The following TXNDC8 variants were observed in gnomAD, a reference collection of about 807,000 sequenced individuals.
TXNDC8 encodes the protein thioredoxin domain-containing protein 8.
Under a neutral mutation model 12.9 loss-of-function variants are expected in TXNDC8, and 15 were observed. The observed-to-expected ratio is 1.16, with a 90% confidence interval of 0.78 to 1.79. The LOEUF is 1.79. TXNDC8 is among the 40% of genes most tolerant of loss of function. The probability of loss-of-function intolerance (pLI) is 0.00; values close to 1 mark genes in which losing one functional copy is unlikely to be tolerated. For missense variants in TXNDC8, 128 were observed against 113.2 expected, an observed-to-expected ratio of 1.13 and a Z score of -0.59; for synonymous variants, 40 against 35.4, an observed-to-expected ratio of 1.13 and a Z score of -0.46.
intron 3 of TXNDC8, among the ~76,000 whole-genome samples, chr9:110,306,824 A>G (rs1838486987): frequency 6.6e-6 from 1 of 152,000 alleles, no homozygotes; most frequent in Non-Finnish European, 1.5e-5. Context: ...CCTTCCTTGA[A>G]CCTTTTCTCT....
At chr9:110,325,999 G>C (rs1036117591) in intron 3 of TXNDC8, among the ~76,000 whole-genome samples, 176 bp downstream of exon 4, 22 of 152,194 alleles carry the variant, frequency 1.4e-4, no homozygotes, top group Non-Finnish European at 2.2e-4. Flanking sequence ...CCTTTGTAAA[G>C]TTGTATGTAA....
intron 3 of TXNDC8, among the ~76,000 whole-genome samples, chr9:110,325,109 G>C (rs764581424): frequency 6.6e-6 from 1 of 151,898 alleles, no homozygotes; most frequent in Non-Finnish European, 1.5e-5. Flanking sequence ...GACCTTGCAA[G>C]ACTCCATCCC....
intron 3 of TXNDC8, among the ~76,000 whole-genome samples, chr9:110,314,949 G>A (rs1278495258): frequency 2.0e-5 from 3 of 152,180 alleles, no homozygotes; most frequent in Non-Finnish European, 4.4e-5. Context: ...CTGAGACCAA[G>A]AGAATGGGGT....
chr9:110,332,100 T>C (rs1839569622), intron 2 of TXNDC8, among the ~76,000 whole-genome samples: 1 of 152,114 alleles, frequency 6.6e-6, no homozygotes, highest in Non-Finnish European at 1.5e-5. Flanking sequence ...TTCTGAAGAG[T>C]GGTTAAAAAA....
At chr9:110,315,405 AT>A (rs963258391) in intron 3 of TXNDC8, among the ~76,000 whole-genome samples, 6 of 151,702 alleles carry the variant, frequency 4.0e-5, no homozygotes, top group Admixed American at 2.0e-4. Flanking sequence ...GCCCGGGGCA[AT>A]TTTTTTTAAT....
At chr9:110,326,951 C>CACACACAT (rs1245143992) in intron 2 of TXNDC8, among the ~76,000 whole-genome samples, 1 of 151,506 alleles carries the variant, frequency 6.6e-6, no homozygotes, top group Non-Finnish European at 1.5e-5. Context: ...CACACACACA[C>CACACACAT]ACACACACAC....
intron 3 of TXNDC8, among the ~76,000 whole-genome samples, chr9:110,319,190 C>A (rs1192198173): frequency 6.6e-6 from 1 of 152,082 alleles, no homozygotes; most frequent in Middle Eastern, 3.2e-3. Flanking sequence ...TTCTTTTTTT[C>A]CTCATGCAGA....
intron 3 of TXNDC8, among the ~76,000 whole-genome samples, chr9:110,306,717 A>G (rs1255774512): frequency 6.6e-6 from 1 of 152,138 alleles, no homozygotes; most frequent in Non-Finnish European, 1.5e-5. Flanking sequence ...AGAATTCCTG[A>G]CATATACCCA....
chr9:110,331,834 C>T (rs1429154394), intron 2 of TXNDC8, among the ~76,000 whole-genome samples: 2 of 152,166 alleles, frequency 1.3e-5, no homozygotes, highest in African/African-American at 2.4e-5. Flanking sequence ...AATGCTTACT[C>T]GCTGGCCGCT....
At chr9:110,322,160 A>G (rs78267808) in intron 3 of TXNDC8, among the ~76,000 whole-genome samples, 16,968 of 149,150 alleles carry the variant, frequency 0.11, 1,051 homozygotes, top group Admixed American at 0.15. Flanking sequence ...AGTCATTTGT[A>G]TAATGTGACA....
At chr9:110,311,459 A>G (rs1315759140) in intron 3 of TXNDC8, among the ~76,000 whole-genome samples, 1 of 146,318 alleles carries the variant, frequency 6.8e-6, no homozygotes, top group Non-Finnish European at 1.5e-5. Flanking sequence ...GGTTATGTAT[A>G]AAACAAGGTA....
At chr9:110,319,846 G>A (rs1839025867) in intron 3 of TXNDC8, among the ~76,000 whole-genome samples, 1 of 152,066 alleles carries the variant, frequency 6.6e-6, no homozygotes, top group South Asian at 2.1e-4. Flanking sequence ...TTTAATTCCT[G>A]TACCTACTTG....
rs187241583 is a variant in TXNDC8 at position 110,313,352 on chromosome 9, G to A, written c.196-8820C>T. 2.7e-4 allele frequency among the ~76,000 whole-genome samples: 41 copies of A among 152,246 alleles called. No individual in the cohort carries two copies. The South Asian group carries it at 7.1e-3, about 26-fold the overall frequency. On this transcript the variant is annotated intron_variant, in intron 3 of 4. Transcript: ENST00000423740. The stretch of plus-strand genomic sequence containing the variant: ...ATTTAAACTTCCGAAGAAAATAACA[G>A]CAATCTATTTACATATATAAGCCAC...
rs1839217407 is a variant in TXNDC8, at chr9:110,324,126, G to A, written c.195+2049C>T. The A allele has an allele frequency of 2.5e-5, 32 of 1,264,040 alleles. No homozygotes were observed. In the South Asian group the frequency reaches 5.2e-4, roughly 21 times the overall value. The allele number at this position is 1,264,040 out of a possible 1,614,324, so 78.3% of individuals were successfully genotyped here. A position where few individuals can be genotyped will look rare whatever the true frequency, so the allele number is the denominator to read the frequency against. On this transcript the variant is annotated intron_variant, in intron 3 of 4. Transcript: ENST00000423740. The stretch of plus-strand genomic sequence containing the variant: ...GTGTCTAAACTCCAAGTTTTAAAGA[G>A]AGTAACTGATGGATAGAGGCCTGAA...
At position 110,314,660 on chromosome 9, in the gene TXNDC8, C is replaced by G. The variant is rs560142925; in HGVS notation, c.196-10128G>C. ...TGTTAGCCAGGATGGTCTCTATCTC[C>G]TGACCTCGTGATCCGCCCACCTCGG... On this transcript the variant is annotated intron_variant, in intron 3 of 4. Transcript: ENST00000423740. Among the ~76,000 whole-genome samples, 241 of 152,166 alleles carry G rather than the reference C, an allele frequency of 1.6e-3. 2 individuals carry two copies. Among genetic ancestry groups the G allele is most frequent in the Non-Finnish European group, 3.1e-4 (21 of 68,008 alleles).
chr9:110,333,888 A>AG (rs1422891535), intron 2 of TXNDC8, among the ~76,000 whole-genome samples: 1 of 152,228 alleles, frequency 6.6e-6, no homozygotes, highest in Non-Finnish European at 1.5e-5. Flanking sequence ...ATTCTAATCC[A>AG]GTGTTTGAAA....
chr9:110,311,490 G>T (rs1838659319), intron 3 of TXNDC8, among the ~76,000 whole-genome samples: 1 of 124,346 alleles, frequency 8.0e-6, no homozygotes, highest in African/African-American at 3.1e-5. Context: ...GGAAATAAGA[G>T]CGATGTAAAG....
At chr9:110,315,097 G>A (rs896050116) in intron 3 of TXNDC8, among the ~76,000 whole-genome samples, 1 of 151,942 alleles carries the variant, frequency 6.6e-6, no homozygotes, top group African/African-American at 2.4e-5. Context: ...CCATCATCCA[G>A]AGGCAGGTTT....
intron 3 of TXNDC8, chr9:110,323,604 ACAC>A (rs1002986453): frequency 7.4e-6 from 2 of 272,088 alleles, no homozygotes; most frequent in African/African-American, 2.2e-5. Context: ...GCCTGGGAGA[ACAC>A]CAGATATGTT....
Sources: gnomAD v4.1 joint callset for allele counts (sites outside exome capture counted in the v4.1 genomes callset) on GRCh38, gnomAD v4.1.1 for gene constraint, MANE v1.5 for transcripts, NCBI Gene and HGNC (gene_info 2026-07-23, HGNC 2026-07-21) for gene names.